Variants in TMX4 observed in about 807,000 individuals in gnomAD.
TMX4 encodes the protein thioredoxin related transmembrane protein 4, also known as thioredoxin-related transmembrane protein 4.
In TMX4, 23 loss-of-function variants were observed where a neutral mutation model predicts 33.3. The ratio of observed to expected loss-of-function variants is 0.69; its 90% CI spans 0.50 to 0.98. The LOEUF is 0.98. Ranked by LOEUF, TMX4 falls within the 50% of genes least tolerant of loss-of-function variation. The pLI is 0.00. For synonymous variants in TMX4, 164 were observed against 161.5 expected (o/e 1.02, Z -0.12); for missense variants, 399 against 448.9 (o/e 0.89, Z 1.01).
chr20:7,982,696 G>A (rs2050613944), intron 7 of TMX4, 75 bp from the exon 8 acceptor site: 9 of 1,464,004 alleles, frequency 6.1e-6, no homozygotes, highest in African/African-American at 2.8e-5. Flanking sequence ...GTGTTTAGCT[G>A]TGAAATAAAA....
intron 4 of TMX4, among the ~76,000 whole-genome samples, chr20:7,996,372 T>C (rs1475946912): frequency 6.6e-6 from 1 of 152,196 alleles, no homozygotes. Context: ...ATGACAGTTC[T>C]TTCTGCTTCA....
intron 1 of TMX4, among the ~76,000 whole-genome samples, chr20:8,018,602 A>G: frequency 6.6e-6 from 1 of 150,768 alleles, no homozygotes; most frequent in Non-Finnish European, 1.5e-5. Context: ...GCCTCTTTCA[A>G]ATGGTCACTT....
At chr20:7,992,040 T>C (rs1568534732) in intron 5 of TMX4, among the ~76,000 whole-genome samples, 2 of 152,264 alleles carry the variant, frequency 1.3e-5, no homozygotes. Flanking sequence ...GACTTGGCAG[T>C]GATGCTTCCT....
intron 1 of TMX4, among the ~76,000 whole-genome samples, chr20:8,016,989 A>T (rs933527544): frequency 1.3e-4 from 8 of 62,116 alleles, no homozygotes; most frequent in African/African-American, 7.9e-4. Context: ...TTATATACAT[A>T]AAAAAAAAAA....
chr20:7,987,335 CAT>C lies in TMX4; in HGVS notation c.566_567del (p.Tyr189CysfsTer35). 6.3e-7 allele frequency: 1 copy of C among 1,598,900 alleles called. No homozygotes were observed. The highest frequency in any genetic ancestry group is 8.5e-7 in the Non-Finnish European group (1 of 1,175,716). Reference protein sequence around the residue: ...VTLGIPAWCSYVFFVIATLVF... With the variant: ...VTLGIPAWCSXVFFVIATLVF... ...ACCAAGGTGGCTATGACGAAAAAGACATAAGAACACCAAGCAGGAATTCCAAG... is the reference window on the plus strand; with the variant it reads ...ACCAAGGTGGCTATGACGAAAAAGACAAGAACACCAAGCAGGAATTCCAAG... On this transcript the variant is annotated frameshift_variant, in exon 6 of 8. Coordinates refer to ENST00000246024, the MANE Select transcript of TMX4 (RefSeq NM_021156.4). LOFTEE classifies it high-confidence loss of function.
At chr20:8,017,269 C>G (rs1220405588) in intron 1 of TMX4, among the ~76,000 whole-genome samples, 2 of 152,088 alleles carry the variant, frequency 1.3e-5, no homozygotes, top group Non-Finnish European at 2.9e-5. Flanking sequence ...AGCCTTGCTT[C>G]CTAGCCACCT....
At position 8,019,759 on chromosome 20, in the gene TMX4, C is replaced by T. The variant is rs1026340049; in HGVS notation, c.-146G>A. On this transcript the variant is annotated 5_prime_UTR_variant, in exon 1 of 8. Transcript: ENST00000246024. ...CGCCTAGCGGCGCAGACTGGCGGTGCTCGCAATGCCGCGGAGGACGCCACC... is the reference window on the plus strand; with the variant it reads ...CGCCTAGCGGCGCAGACTGGCGGTGTTCGCAATGCCGCGGAGGACGCCACC... The T allele has an allele frequency of 1.6e-6, 1 of 643,922 alleles. No homozygotes were observed. The highest frequency in any genetic ancestry group is 2.2e-6 in the Non-Finnish European group (1 of 446,970). 39.9% of individuals were successfully genotyped at this position (643,922 alleles called of 1,614,324 possible).
Position 7,977,347 on chromosome 20 carries a change from G to A in TMX4, c.*4904C>T, listed in dbSNP as rs559450550. 15 of 152,314 alleles carry A rather than the reference G, an allele frequency of 9.8e-5. No individual in the cohort carries two copies. The East Asian group carries it at 2.9e-3, about 29-fold the overall frequency. 9.4% of individuals were successfully genotyped at this position (152,314 alleles called of 1,614,324 possible). On this transcript the variant is annotated 3_prime_UTR_variant, in exon 8 of 8. Coordinates refer to ENST00000246024, the MANE Select transcript of TMX4 (RefSeq NM_021156.4). The stretch of plus-strand genomic sequence containing the variant: ...GAGAGAATGAATGAACAGACTAGAT[G>A]GAGGATGGACACGAAGGAAAATTTT...
intron 4 of TMX4, among the ~76,000 whole-genome samples, chr20:7,997,292 T>C (rs1042288111): frequency 2.6e-5 from 4 of 152,110 alleles, no homozygotes; most frequent in Non-Finnish European, 5.9e-5. Flanking sequence ...CCCATTTCCA[T>C]GCATCTGATA....
chr20:8,015,253 C>G (rs1299734905), intron 1 of TMX4, among the ~76,000 whole-genome samples: 1 of 152,098 alleles, frequency 6.6e-6, no homozygotes, highest in Non-Finnish European at 1.5e-5. Context: ...TTTTAAATAC[C>G]CATAACAGTA....
At chr20:7,987,179 T>C (rs1339936976) in intron 6 of TMX4, 109 bp downstream of exon 6, 4 of 772,610 alleles carry the variant, frequency 5.2e-6, no homozygotes, top group Admixed American at 3.2e-5. Flanking sequence ...ACTACTTAGA[T>C]TGCACAAAAT....
In TMX4 at chr20:7,981,015, T is replaced by G. The variant is rs776875216; in HGVS notation, c.*1236A>C. ...GGAATCGAATTTCATGAATTTATTC[T>G]AACACATAAATCAGGTAAGAGAGAA... On this transcript the variant is annotated 3_prime_UTR_variant, in exon 8 of 8. Transcript: ENST00000246024. 2.8e-4 allele frequency: 42 copies of G among 152,276 alleles called. No homozygotes were observed. Among genetic ancestry groups the G allele is most frequent in the South Asian group, 1.2e-3 (6 of 4,828 alleles). The allele number at this position is 152,276 out of a possible 1,614,324, so 9.4% of individuals were successfully genotyped here.
In TMX4 at chr20:8,019,630, G is replaced by C; in HGVS notation, c.-17C>G. ...ACCCGCCATGTTGGGCGCCGAGCGA[G>C]GCTTCTCGGCGGGGAGTGTGGGGAA... is the stretch of plus-strand genomic sequence containing the variant. On this transcript the variant is annotated 5_prime_UTR_variant, in exon 1 of 8. Transcript: ENST00000246024. 11 of 1,331,612 alleles carry C rather than the reference G, an allele frequency of 8.3e-6. No individual in the cohort carries two copies. The highest frequency in any genetic ancestry group is 1.1e-5 in the Non-Finnish European group (11 of 1,040,706). 82.5% of individuals were successfully genotyped at this position (1,331,612 alleles called of 1,614,324 possible).
At chr20:7,997,795 A>G (rs976952119) in intron 4 of TMX4, among the ~76,000 whole-genome samples, 2 of 152,316 alleles carry the variant, frequency 1.3e-5, no homozygotes, top group East Asian at 1.9e-4. Flanking sequence ...CAAGTGTTCA[A>G]TTTCTTAAAA....
At chr20:7,986,526 T>C (rs1380816657) in intron 6 of TMX4, among the ~76,000 whole-genome samples, 1 of 152,208 alleles carries the variant, frequency 6.6e-6, no homozygotes, top group African/African-American at 2.4e-5. Context: ...TTATAGTGTT[T>C]AGGAACTATG....
chr20:8,017,695 G>GT (rs2050781894), intron 1 of TMX4, among the ~76,000 whole-genome samples: 1 of 152,136 alleles, frequency 6.6e-6, no homozygotes, highest in Non-Finnish European at 1.5e-5. Context: ...AGTCCATTTT[G>GT]TAAGCACCTA....
At chr20:8,015,440 C>A (rs2050770918) in intron 1 of TMX4, among the ~76,000 whole-genome samples, 1 of 152,192 alleles carries the variant, frequency 6.6e-6, no homozygotes, top group Non-Finnish European at 1.5e-5. Flanking sequence ...CCCAAAATGC[C>A]AATAGTGTCC....
At chr20:7,989,558 C>T (rs2050645494) in intron 5 of TMX4, among the ~76,000 whole-genome samples, 1 of 152,192 alleles carries the variant, frequency 6.6e-6, no homozygotes, top group Non-Finnish European at 1.5e-5. Context: ...TCAATTTCCT[C>T]TTTAACGGAA....
intron 2 of TMX4, among the ~76,000 whole-genome samples, chr20:8,009,866 A>T (rs2122877266): frequency 6.7e-6 from 1 of 149,938 alleles, no homozygotes; most frequent in African/African-American, 2.5e-5. Flanking sequence ...AACTGTAAAA[A>T]AAAAAAAAAA....
Sources: gnomAD v4.1 joint callset for allele counts (sites outside exome capture counted in the v4.1 genomes callset) on GRCh38, gnomAD v4.1.1 for gene constraint, MANE v1.5 for transcripts, NCBI Gene and HGNC (gene_info 2026-07-23, HGNC 2026-07-21) for gene names.